The following ADGRL2 variants were observed in gnomAD, a reference collection of about 807,000 sequenced individuals.
ADGRL2 encodes the protein calcium-independent alpha-latrotoxin receptor 2.
In ADGRL2, 44 loss-of-function variants were observed where a neutral mutation model predicts 157.4. That is an observed-to-expected ratio of 0.28 (90% CI 0.22 to 0.36). The LOEUF (loss-of-function observed/expected upper bound fraction) is 0.36, where lower values mean the gene tolerates loss of function less well. Among genes scored for constraint, ADGRL2 ranks in the 10% least tolerant of loss-of-function variants. The pLI is 1.00. For missense variants in ADGRL2, 1,510 were observed against 1,768.9 expected, an observed-to-expected ratio of 0.85 and a Z score of 2.63; for synonymous variants, 585 against 624.7, an observed-to-expected ratio of 0.94 and a Z score of 0.95.
intron 1 of ADGRL2, among the ~76,000 whole-genome samples, chr1:81,408,312 T>G (rs1417493555): frequency 8.0e-6 from 1 of 124,734 alleles, no homozygotes; most frequent in Non-Finnish European, 1.7e-5. Flanking sequence ...TAACACAGAA[T>G]GCTCATTTTT....
At chr1:81,359,559 A>AAC (rs2075938864) in intron 1 of ADGRL2, among the ~76,000 whole-genome samples, 2 of 152,076 alleles carry the variant, frequency 1.3e-5, no homozygotes, top group Admixed American at 1.3e-4. Flanking sequence ...TTTCTTAGTC[A>AAC]ACATGAGTAA....
At chr1:81,505,198 C>CCCCA in intron 2 of ADGRL2, 5 of 506,494 alleles carry the variant, frequency 9.9e-6, no homozygotes, top group South Asian at 3.3e-5. Context: ...ACCCCCACTC[C>CCCCA]CACACACACA....
chr1:81,495,254 T>C (rs1408741032), intron 2 of ADGRL2, among the ~76,000 whole-genome samples: 6 of 152,144 alleles, frequency 3.9e-5, no homozygotes, highest in East Asian at 1.9e-4. Flanking sequence ...TACTTGCAGA[T>C]CAATTTGCAA....
chr1:81,576,594 G>A (rs987875515), intron 2 of ADGRL2, among the ~76,000 whole-genome samples: 1 of 152,090 alleles, frequency 6.6e-6, no homozygotes. Flanking sequence ...GCCAGTCTTT[G>A]CTAGGTGCCA....
intron 3 of ADGRL2, among the ~76,000 whole-genome samples, chr1:81,627,648 A>G (rs1425932920): frequency 2.0e-5 from 3 of 152,144 alleles, no homozygotes; most frequent in Non-Finnish European, 4.4e-5. Flanking sequence ...ATCATTCTGG[A>G]ACTGTATCAT....
chr1:81,695,452 A>G (rs1219188868), upstream of ADGRL2, among the ~76,000 whole-genome samples: 1 of 152,180 alleles, frequency 6.6e-6, no homozygotes, highest in African/African-American at 2.4e-5. Context: ...CTGGAAGGAA[A>G]GGACCTTGCC....
chr1:81,610,548 G>A (rs553244447), intron 3 of ADGRL2, among the ~76,000 whole-genome samples: 46 of 152,266 alleles, frequency 3.0e-4, no homozygotes, highest in African/African-American at 1.1e-3. Context: ...TATTCCAAAT[G>A]TAATGGGAAT....
chr1:81,705,346 C>T (rs2083698934), intron 1 of ADGRL2, among the ~76,000 whole-genome samples: 1 of 152,066 alleles, frequency 6.6e-6, no homozygotes, highest in Non-Finnish European at 1.5e-5. Flanking sequence ...TATTATTTTT[C>T]TGGCAGCAAT....
At chr1:81,657,009 C>CAAAAAAA (rs11383698) in intron 3 of ADGRL2, among the ~76,000 whole-genome samples, 1 of 109,272 alleles carries the variant, frequency 9.2e-6, no homozygotes, top group African/African-American at 3.6e-5. Flanking sequence ...GACCCTGTCT[C>CAAAAAAA]AAAAAAAAAA....
intron 1 of ADGRL2, among the ~76,000 whole-genome samples, chr1:81,339,998 A>T (rs2100755551): frequency 6.6e-6 from 1 of 152,334 alleles, no homozygotes; most frequent in Middle Eastern, 3.4e-3. Flanking sequence ...AGATTCTCAA[A>T]AAGAGCTGTG....
At chr1:81,749,303 T>C (rs1165179286) in intron 1 of ADGRL2, among the ~76,000 whole-genome samples, 1 of 152,162 alleles carries the variant, frequency 6.6e-6, no homozygotes, top group Non-Finnish European at 1.5e-5. Context: ...ATGAGAAGAA[T>C]ATATTTCTCA....
At chr1:81,832,537 T>G (rs2092018458) in intron 1 of ADGRL2, among the ~76,000 whole-genome samples, 1 of 152,232 alleles carries the variant, frequency 6.6e-6, no homozygotes, top group Non-Finnish European at 1.5e-5. Context: ...CTACTATGTC[T>G]GCGAAACGAA....
At chr1:81,315,105 G>C (rs1660014302) in intron 1 of ADGRL2, among the ~76,000 whole-genome samples, 1 of 152,064 alleles carries the variant, frequency 6.6e-6, no homozygotes, top group Non-Finnish European at 1.5e-5. Flanking sequence ...GTTTGATTCA[G>C]AATTTACATG....
At chr1:81,695,766 A>G (rs1161812661), upstream of ADGRL2, among the ~76,000 whole-genome samples, 1 of 151,606 alleles carries the variant, frequency 6.6e-6, no homozygotes, top group Non-Finnish European at 1.5e-5. Context: ...GGTTGCAGTG[A>G]GCCGAGAGAT....
intron 19 of ADGRL2, among the ~76,000 whole-genome samples, 193 bp downstream of exon 19, chr1:81,982,169 A>G (rs77716167): frequency 6.6e-6 from 1 of 151,936 alleles, no homozygotes; most frequent in South Asian, 2.1e-4. Context: ...CATCTTTTGT[A>G]TCTCAGTTTG....
At chr1:81,393,181 A>T (rs920210566) in intron 1 of ADGRL2, among the ~76,000 whole-genome samples, 4 of 152,130 alleles carry the variant, frequency 2.6e-5, no homozygotes, top group Non-Finnish European at 4.4e-5. Context: ...AGAGGAGATA[A>T]ATTGGATGGT....
intron 3 of ADGRL2, among the ~76,000 whole-genome samples, chr1:81,623,926 C>G (rs528479783): frequency 6.6e-6 from 1 of 152,194 alleles, no homozygotes; most frequent in African/African-American, 2.4e-5. Flanking sequence ...TGAGCCATCA[C>G]ACCCAGCTGA....
chr1:81,991,413 T>G lies in ADGRL2; in HGVS notation c.*268T>G, dbSNP rs1664578030. On this transcript the variant is annotated 3_prime_UTR_variant, in exon 24 of 24. Transcript: ENST00000686636. The stretch of plus-strand genomic sequence containing the variant: ...GGTATTTTAAGATTCTGCTGCTGTT[T>G]AGAGAAATTGTGAAACAAGCAAAAC... 1 of 282,306 alleles carries G rather than the reference T, an allele frequency of 3.5e-6. No individual in the cohort carries two copies. Among genetic ancestry groups the G allele is most frequent in the African/African-American group, 2.2e-5 (1 of 46,036 alleles). The allele number at this position is 282,306 out of a possible 1,614,324, so 17.5% of individuals were successfully genotyped here. A position where few individuals can be genotyped will look rare whatever the true frequency, so the allele number is the denominator to read the frequency against.
At chr1:81,731,421 T>A (rs568287630) in intron 1 of ADGRL2, among the ~76,000 whole-genome samples, 2 of 152,312 alleles carry the variant, frequency 1.3e-5, no homozygotes, top group African/African-American at 4.8e-5. Context: ...TCAAAACTGA[T>A]TTCCTTCAAG....
Sources: allele counts gnomAD v4.1 joint callset (sites outside exome capture counted in the v4.1 genomes callset), GRCh38; gene constraint gnomAD v4.1.1; transcripts MANE v1.5; gene names NCBI Gene and HGNC (gene_info 2026-07-23, HGNC 2026-07-21).